SLC67A1: variants seen among roughly 807,000 people sequenced by gnomAD.
The protein encoded by SLC67A1 is solute carrier family 67 member 1.
the SLC67A1 span, among the ~76,000 whole-genome samples, chr11:2,907,092 T>TG: frequency 1.4e-4 from 19 of 134,136 alleles, no homozygotes; most frequent in African/African-American, 4.2e-4. The surrounding 1 kb of genome is among the most constrained non-coding windows in gnomAD (Gnocchi z 6.7). Flanking sequence ...GGGTTGGGGA[T>TG]GGGGGGGTTA....
the SLC67A1 span, chr11:2,924,890 C>A: frequency 1.2e-6 from 1 of 832,394 alleles, no homozygotes; most frequent in Non-Finnish European, 1.9e-6. This position sits in a 1 kb window ranked among gnomAD's most constrained non-coding sequence, Gnocchi z 8.6. Context: ...ATGCAAGGTG[C>A]GGACTGCGCC....
chr11:2,908,287 A>G, the SLC67A1 span: 1 of 1,612,842 alleles, frequency 6.2e-7, no homozygotes, highest in African/African-American at 1.3e-5. Context: ...CCTGCAAACC[A>G]CCTTCGGGGT....
chr11:2,912,255 G>A, the SLC67A1 span, among the ~76,000 whole-genome samples: 12 of 152,260 alleles, frequency 7.9e-5, 1 homozygote, highest in Admixed American at 5.2e-4. Context: ...ACCCAGACAG[G>A]GTGAGGGAGG....
At chr11:2,916,417 G>A in the SLC67A1 span, 4 of 516,050 alleles carry the variant, frequency 7.8e-6, no homozygotes, top group Non-Finnish European at 1.4e-5. Flanking sequence ...CAGGGATGGT[G>A]AGCGCCCCAC....
chr11:2,918,092 A>C, the SLC67A1 span: 2 of 1,612,392 alleles, frequency 1.2e-6, no homozygotes, highest in Admixed American at 1.7e-5. Flanking sequence ...CAACTGCCCC[A>C]CAGGTGAGTC....
the SLC67A1 span, chr11:2,909,145 A>C: frequency 2.1e-6 from 3 of 1,429,960 alleles, no homozygotes; most frequent in Non-Finnish European, 2.7e-6. Flanking sequence ...GACGGGGGGA[A>C]GGGGACACTG....
At chr11:2,920,544 G>A in the SLC67A1 span, 10 of 152,528 alleles carry the variant, frequency 6.6e-5, no homozygotes, top group African/African-American at 2.4e-4. Flanking sequence ...AGCTGGGGTG[G>A]TGACCAACAC....
At chr11:2,915,788 G>A in the SLC67A1 span, among the ~76,000 whole-genome samples, 2 of 152,234 alleles carry the variant, frequency 1.3e-5, no homozygotes, top group African/African-American at 4.8e-5. Context: ...ACTTCCTCCT[G>A]TCTCTCCCTG....
the SLC67A1 span, chr11:2,902,763 C>T: frequency 1.0e-6 from 1 of 984,624 alleles, no homozygotes; most frequent in African/African-American, 1.7e-5. Flanking sequence ...AGCTATGTCT[C>T]CCCTACGCAA....
chr11:2,901,071 G>A, the SLC67A1 span, among the ~76,000 whole-genome samples: 1 of 152,188 alleles, frequency 6.6e-6, no homozygotes, highest in Non-Finnish European at 1.5e-5. Context: ...ACCTGCCCTG[G>A]GGAAAATGGA....
the SLC67A1 span, chr11:2,920,116 G>C: frequency 6.6e-6 from 1 of 152,474 alleles, no homozygotes; most frequent in Non-Finnish European, 1.5e-5. Flanking sequence ...ACCCGCCAGG[G>C]TGGGGGTGGG....
At chr11:2,906,898 A>AG in the SLC67A1 span, among the ~76,000 whole-genome samples, 21 of 33,418 alleles carry the variant, frequency 6.3e-4, no homozygotes, top group Non-Finnish European at 1.4e-3. Flanking sequence ...AAAAAAAAAA[A>AG]GAGAAGCTCA....
At chr11:2,903,177 T>C in the SLC67A1 span, 2 of 1,461,750 alleles carry the variant, frequency 1.4e-6, no homozygotes, top group Non-Finnish European at 1.8e-6. Context: ...AGAGCTCCAC[T>C]GGGGAGGGGG....
the SLC67A1 span, among the ~76,000 whole-genome samples, chr11:2,908,718 CAG>C: frequency 6.6e-6 from 1 of 152,190 alleles, no homozygotes; most frequent in African/African-American, 2.4e-5. Context: ...CCACAGCAGA[CAG>C]GGGAGCAAGG....
At chr11:2,912,281 C>T in the SLC67A1 span, among the ~76,000 whole-genome samples, 6 of 152,326 alleles carry the variant, frequency 3.9e-5, no homozygotes, top group East Asian at 1.9e-4. Flanking sequence ...ACCTCCCCCT[C>T]GGGGGCTCAC....
chr11:2,908,395 G>T, the SLC67A1 span: 1 of 1,234,668 alleles, frequency 8.1e-7, no homozygotes, highest in East Asian at 2.6e-5. Context: ...AGACGCCATG[G>T]GCTCAGACGG....
the SLC67A1 span, among the ~76,000 whole-genome samples, chr11:2,918,306 G>C: frequency 2.0e-5 from 3 of 152,372 alleles, no homozygotes; most frequent in East Asian, 5.8e-4. Flanking sequence ...GGGCCCCCAC[G>C]GGCAGAGGGC....
chr11:2,916,657 C>T, the SLC67A1 span: 2 of 1,612,780 alleles, frequency 1.2e-6, no homozygotes, highest in South Asian at 1.1e-5. Flanking sequence ...GCCCTGGCCA[C>T]CCTCCTGGGA....
chr11:2,909,437 C>A, the SLC67A1 span: 1 of 1,414,708 alleles, frequency 7.1e-7, no homozygotes, highest in Non-Finnish European at 9.2e-7. Context: ...CCAGGGAGGT[C>A]TGCGTGCGCG....
Sources: gnomAD v4.1 joint callset for allele counts (sites outside exome capture counted in the v4.1 genomes callset) on GRCh38, gnomAD v4.1.1 for gene constraint, Gnocchi (gnomAD v3.1) non-coding constraint, MANE v1.5 for transcripts, NCBI Gene and HGNC (gene_info 2026-07-23, HGNC 2026-07-21) for gene names.